The following GAA variants were observed in gnomAD, a reference collection of about 807,000 sequenced individuals.
The protein encoded by GAA is lysosomal alpha-glucosidase.
In GAA, 88 loss-of-function variants were observed where a neutral mutation model predicts 103.9. That is an observed-to-expected ratio of 0.85 (90% CI 0.71 to 1.01). GAA has a LOEUF of 1.01. Among genes scored for constraint, GAA ranks in the 50% least tolerant of loss-of-function variants. The pLI, the probability that GAA is intolerant of heterozygous loss-of-function variation, is 0.00. For missense variants in GAA, 1,350 were observed against 1,305.3 expected, an observed-to-expected ratio of 1.03 and a Z score of -0.53; for synonymous variants, 572 against 563.1, an observed-to-expected ratio of 1.02 and a Z score of -0.22.
chr17:80,113,408 G>C (rs1255563275), intron 15 of GAA, 42 bp downstream of exon 15: 2 of 1,492,668 alleles, frequency 1.3e-6, no homozygotes, highest in Non-Finnish European at 1.8e-6. Context: ...GTGTGCCCTG[G>C]GGGAGGGGCA....
At chr17:80,106,886 C>T (rs918380987) in intron 3 of GAA, among the ~76,000 whole-genome samples, 1 of 152,228 alleles carries the variant, frequency 6.6e-6, no homozygotes, top group Non-Finnish European at 1.5e-5. Context: ...TTTGCCACTG[C>T]ACTTCAGCCT....
intron 12 of GAA, 43 bp from the exon 13 acceptor site, chr17:80,112,535 A>G (rs1485559224): frequency 1.9e-6 from 3 of 1,611,224 alleles, no homozygotes; most frequent in Non-Finnish European, 2.5e-6. Context: ...TTCCCGAGTG[A>G]CCCCGCTCCA....
intron 18 of GAA, 130 bp from the exon 19 acceptor site, chr17:80,118,521 CTT>C (rs1470813251): frequency 7.2e-7 from 1 of 1,384,008 alleles, no homozygotes. Flanking sequence ...GCACTCTGCC[CTT>C]TCGTGTACAC....
Position 80,104,833 on chromosome 17 carries a change from G to A in GAA, c.247G>A (p.Asp83Asn), listed in dbSNP as rs771101156. ...TCCCAGAGCAGTGCCCACACAGTGC[G>A]ACGTCCCCCCCAACAGCCGCTTCGA... Reference protein sequence around the residue: ...GRPRAVPTQCDVPPNSRFDCA... With the variant: ...GRPRAVPTQCNVPPNSRFDCA... Residue 83 changes from aspartate (D) to asparagine (N), a missense_variant, in exon 2 of 20, where the codon GAC (aspartate) becomes AAC (asparagine). By Grantham distance (23) the Asp-to-Asn change is conservative (BLOSUM62 1). Transcript: ENST00000302262. This position sits in a 1 kb window ranked among gnomAD's most constrained non-coding sequence, Gnocchi z 4.0. The A allele has an allele frequency of 1.2e-5, 20 of 1,612,426 alleles. No homozygotes were observed. The highest frequency in any genetic ancestry group is 6.7e-5 in the East Asian group (3 of 44,842).
At position 80,112,973 on chromosome 17, in the gene GAA, C is replaced by G. The variant is rs2039278843; in HGVS notation, c.1986C>G (p.Thr662=). 1 of 1,610,656 alleles carries G rather than the reference C, an allele frequency of 6.2e-7. No homozygotes were observed. Among genetic ancestry groups the G allele is most frequent in the African/African-American group, 1.3e-5 (1 of 74,884 alleles). Residue 662 remains threonine, a synonymous_variant, in exon 14 of 20, where the codon ACC becomes ACG. Transcript: ENST00000302262. ...NTSEELCVRW[T]QLGAFYPFMR... is the part of the protein sequence containing the mutation. The stretch of plus-strand genomic sequence containing the variant: ...CAGAGGAGCTGTGTGTGCGCTGGAC[C>G]CAGCTGGGGGCCTTCTACCCCTTCA...
At chr17:80,118,553 G>A in intron 18 of GAA, 100 bp from the exon 19 acceptor site, 2 of 1,486,380 alleles carry the variant, frequency 1.3e-6, no homozygotes, top group Non-Finnish European at 1.9e-6. Flanking sequence ...TCACCTCCCT[G>A]ATGCCATCAT....
In GAA at chr17:80,118,567, T is replaced by C. The variant is rs1267559527; in HGVS notation, c.2647-86T>C. On this transcript the variant is annotated intron_variant, in intron 18 of 19. Transcript: ENST00000302262. The stretch of plus-strand genomic sequence containing the variant: ...GTCACCTCCCTGATGCCATCATGAG[T>C]CCCTGTTCTCATGGGTGTTCCTGCC... 7 of 1,505,116 alleles carry C rather than the reference T, an allele frequency of 4.7e-6. No homozygotes were observed. The African/African-American group carries it at 9.6e-5, about 21-fold the overall frequency. 93.2% of individuals were successfully genotyped at this position (1,505,116 alleles called of 1,614,324 possible). A position where few individuals can be genotyped will look rare whatever the true frequency, so the allele number is the denominator to read the frequency against.
intron 11 of GAA, 139 bp downstream of exon 11, chr17:80,111,164 A>G: frequency 1.1e-6 from 1 of 872,734 alleles, no homozygotes; most frequent in South Asian, 1.5e-5. Context: ...CCCCAGGAGA[A>G]AGGCTCAGGC....
Position 80,112,708 on chromosome 17 carries a change from C to G in GAA, c.1885C>G (p.Pro629Ala). ...CTGGGAGCAGCTCGCCTCCTCCGTGCCAGGTGAGCTCCTACCAGGAGGGGC... is the reference window on the plus strand; with the variant it reads ...CTGGGAGCAGCTCGCCTCCTCCGTGGCAGGTGAGCTCCTACCAGGAGGGGC... The part of the protein sequence containing the change: ...SSWEQLASSV[P>A]EILQFNLLGV... Residue 629 changes from proline (P) to alanine (A), a missense_variant, in exon 13 of 20, where the codon CCA becomes GCA. Pro to Ala is a conservative substitution (Grantham distance 27, BLOSUM62 -1). Transcript: ENST00000302262. 5.0e-6 allele frequency: 8 copies of G among 1,606,826 alleles called. No individual in the cohort carries two copies. Among genetic ancestry groups the G allele is most frequent in the African/African-American group, 1.3e-5 (1 of 74,976 alleles).
intron 8 of GAA, 92 bp downstream of exon 8, chr17:80,108,920 G>A: frequency 7.0e-7 from 1 of 1,426,874 alleles, no homozygotes; most frequent in South Asian, 1.3e-5. Flanking sequence ...GTGCCTGTGT[G>A]GTCGCCGAGG....
intron 9 of GAA, among the ~76,000 whole-genome samples, chr17:80,110,372 G>A (rs1342769599): frequency 6.6e-6 from 1 of 152,198 alleles, no homozygotes; most frequent in Non-Finnish European, 1.5e-5. Flanking sequence ...GGCCCCCGCT[G>A]AGGGAGCAGC....
In GAA at chr17:80,118,223, C is replaced by T. The variant is rs369532274; in HGVS notation, c.2512C>T (p.Gln838Ter). 2 of 1,613,104 alleles carry T rather than the reference C, an allele frequency of 1.2e-6. No homozygotes were observed. Among genetic ancestry groups the T allele is most frequent in the African/African-American group, 2.7e-5 (2 of 74,924 alleles). The change falls in exon 18 of 20, where the codon CAG becomes TAG. Residue 838 changes from glutamine to a stop codon, truncating the protein, a stop_gained. Coordinates refer to ENST00000302262, the MANE Select transcript of GAA (RefSeq NM_000152.5). LOFTEE classifies it high-confidence loss of function. Reference sequence around the variant, plus strand: ...TGGCCTCACAACCACAGAGTCCCGCCAGCAGCCCATGGCCCTGGCTGTGGC... The same window carrying T: ...TGGCCTCACAACCACAGAGTCCCGCTAGCAGCCCATGGCCCTGGCTGTGGC... ...GPGLTTTESR[Q>*]QPMALAVALT... is the part of the protein sequence containing the mutation.
intron 1 of GAA, chr17:80,102,387 G>A (rs1350724437): frequency 1.3e-5 from 2 of 152,310 alleles, no homozygotes; most frequent in African/African-American, 4.8e-5. Flanking sequence ...AGAGCCTTTT[G>A]CTCATGAGGT....
rs184803352 is a variant in GAA at position 80,115,829 on chromosome 17, A to G, written c.2190-1139A>G. On this transcript the variant is annotated intron_variant, in intron 15 of 19. Coordinates refer to ENST00000302262, the MANE Select transcript of GAA (RefSeq NM_000152.5). ...AGTCTCTGCTTGACTAGCTTAGTGG[A>G]CAGCCAATAATTGGTCAGATATCCT... 7.5e-3 allele frequency among the ~76,000 whole-genome samples: 1,142 copies of G among 152,262 alleles called. 11 individuals are homozygous for G. Among genetic ancestry groups the G allele is most frequent in the African/African-American group, 0.025 (1,056 of 41,526 alleles).
At chr17:80,107,049 G>A (rs1394749627) in intron 3 of GAA, among the ~76,000 whole-genome samples, 9 of 152,276 alleles carry the variant, frequency 5.9e-5, no homozygotes, top group Admixed American at 4.6e-4. Context: ...CAGAGGACGC[G>A]TCTTCCTGTG....
Position 80,118,772 on chromosome 17 carries a change from T to C in GAA, c.2766T>C (p.Pro922=), listed in dbSNP as rs2143934535. The change falls in exon 19 of 20, where the codon CCT becomes CCC. Residue 922 remains proline (P), a synonymous_variant. Coordinates refer to ENST00000302262, the MANE Select transcript of GAA (RefSeq NM_000152.5). ...AGCAGGTCCTCTCCAACGGTGTCCC[T>C]GTCTCCAACTTCACCTACAGCCCCG... ...APQQVLSNGV[P]VSNFTYSPDT... 1 of 1,613,506 alleles carries C rather than the reference T, an allele frequency of 6.2e-7. No homozygotes were observed. The highest frequency in any genetic ancestry group is 2.2e-5 in the East Asian group (1 of 44,872).
rs1456154347 is a variant in GAA, at chr17:80,107,877, G to A, written c.936G>A (p.Leu312=). 2.5e-6 allele frequency: 4 copies of A among 1,611,044 alleles called. No homozygotes were observed. The highest frequency in any genetic ancestry group is 3.4e-6 in the Non-Finnish European group (4 of 1,179,528). The stretch of plus-strand genomic sequence containing the variant: ...GCGGGTCGGCACACGGGGTGTTCCT[G>A]CTAAACAGCAATGCCATGGGTAAGC... ...EDGGSAHGVF[L]LNSNAMDVVL... The change falls in exon 5 of 20, where the codon CTG becomes CTA. Residue 312 remains leucine, a synonymous_variant. Transcript: ENST00000302262.
At chr17:80,111,645 C>A in intron 11 of GAA, 1 of 384,232 alleles carries the variant, frequency 2.6e-6, no homozygotes, top group Non-Finnish European at 4.9e-6. Context: ...TTTGGCCCAG[C>A]AAAGAATCAG....
intron 9 of GAA, among the ~76,000 whole-genome samples, chr17:80,110,403 T>C (rs1431016672): frequency 6.6e-6 from 1 of 152,170 alleles, no homozygotes; most frequent in Non-Finnish European, 1.5e-5. Flanking sequence ...CTGGTGCGGA[T>C]GTGAGGCTGC....
Sources: allele counts gnomAD v4.1 joint callset (sites outside exome capture counted in the v4.1 genomes callset), GRCh38; gene constraint gnomAD v4.1.1; non-coding constraint Gnocchi (gnomAD v3.1); transcripts MANE v1.5; gene names NCBI Gene and HGNC (gene_info 2026-07-23, HGNC 2026-07-21).